RHBDF1: variants seen among roughly 807,000 people sequenced by gnomAD.
RHBDF1 encodes the protein rhomboid 5 homolog 1, also known as inactive rhomboid protein 1.
A neutral mutation model predicts 98.6 loss-of-function variants in RHBDF1; 80 were observed. That is an observed-to-expected ratio of 0.81 (90% CI 0.68 to 0.98). RHBDF1 has a LOEUF of 0.98. RHBDF1 is among the 50% of genes least tolerant of loss of function. The probability of loss-of-function intolerance (pLI) is 0.00; values close to 1 mark genes in which losing one functional copy is unlikely to be tolerated. For missense variants in RHBDF1, 1,116 were observed against 1,198.3 expected, an observed-to-expected ratio of 0.93 and a Z score of 1.01; for synonymous variants, 512 against 486.8, an observed-to-expected ratio of 1.05 and a Z score of -0.68.
In RHBDF1 at chr16:59,789, T is replaced by C; in HGVS notation, c.1760A>G (p.His587Arg). 6.2e-7 allele frequency: 1 copy of C among 1,614,150 alleles called. No homozygotes were observed. The highest frequency in any genetic ancestry group is 8.5e-7 in the Non-Finnish European group (1 of 1,180,016). The change falls in exon 14 of 18, where the codon CAT becomes CGT. Residue 587 changes from histidine (H) to arginine (R), a missense_variant. By Grantham distance (29) the His-to-Arg change is conservative. Coordinates refer to ENST00000262316, the MANE Select transcript of RHBDF1 (RefSeq NM_022450.5). ...TGTGATGACACAGTCCATGTGGGGA[T>C]GGTTGGTGTGGTTCCCAGCGCTGTT... ...TKNSAGNHTN[H>R]PHMDCVITGR...
At chr16:75,498 G>C (rs1898069811), upstream of RHBDF1, among the ~76,000 whole-genome samples, 1 of 152,228 alleles carries the variant, frequency 6.6e-6, no homozygotes, top group Admixed American at 6.5e-5. Context: ...CCCATGACCA[G>C]CTCCTGGCTA....
At chr16:71,089 C>T (rs1338244723) in intron 1 of RHBDF1, among the ~76,000 whole-genome samples, 1 of 152,104 alleles carries the variant, frequency 6.6e-6, no homozygotes, top group Non-Finnish European at 1.5e-5. Context: ...GCCTGATGGT[C>T]CCTGAAAGGC....
intron 1 of RHBDF1, among the ~76,000 whole-genome samples, chr16:70,048 T>G (rs1897931828): frequency 6.6e-6 from 1 of 150,524 alleles, no homozygotes. Context: ...AGCTAGCAAA[T>G]GTGGCACAGG....
Position 60,278 on chromosome 16 carries a change from C to T in RHBDF1, c.1660G>A (p.Val554Met). The part of the protein sequence containing the change: ...FGSVCHQDPR[V>M]CDEPSSEDPH... The stretch of plus-strand genomic sequence containing the variant: ...TCTTCGGAGGAGGGCTCATCACACA[C>T]CCTGCATGAGCCAAGTATGTGGTCA... The change falls in exon 13 of 18, where the codon GTG becomes ATG. Residue 554 changes from valine to methionine, a missense_variant and splice_region_variant. Val to Met is a conservative substitution (Grantham distance 21). Coordinates refer to ENST00000262316, the MANE Select transcript of RHBDF1 (RefSeq NM_022450.5). 1 of 1,614,096 alleles carries T rather than the reference C, an allele frequency of 6.2e-7. No homozygotes were observed. The highest frequency in any genetic ancestry group is 8.5e-7 in the Non-Finnish European group (1 of 1,180,024).
Position 60,243 on chromosome 16 carries a change from C to T in RHBDF1, c.1695G>A (p.Glu565=), listed in dbSNP as rs766829509. Reference sequence around the variant, plus strand: ...GCCACTTGGTGATGTCTTCTGGCCACTCATGAGGGTCTTCGGAGGAGGGCT... The same window carrying T: ...GCCACTTGGTGATGTCTTCTGGCCATTCATGAGGGTCTTCGGAGGAGGGCT... ...CDEPSSEDPH[E]WPEDITKWPI... Residue 565 remains glutamate, a synonymous_variant, in exon 13 of 18, where the codon GAG becomes GAA. Transcript: ENST00000262316. 3.1e-5 allele frequency: 50 copies of T among 1,614,044 alleles called. No homozygotes were observed. In the Admixed American group the frequency reaches 8.0e-4, roughly 26 times the overall value.
intron 7 of RHBDF1, 137 bp downstream of exon 7, chr16:62,401 C>T: frequency 8.5e-7 from 1 of 1,182,078 alleles, no homozygotes; most frequent in African/African-American, 1.5e-5. Flanking sequence ...CCCCTGGTGG[C>T]CCAGTGAGTA....
rs371922945 is a variant in RHBDF1 at position 58,957 on chromosome 16, C to T, written c.2148+17G>A. The T allele has an allele frequency of 7.8e-5, 125 of 1,611,950 alleles. No individual in the cohort carries two copies. The African/African-American group carries it at 1.5e-3, about 19-fold the overall frequency. ...AGGTGCACACGGGAGGATCCCCACC[C>T]TGAGGGCCAGCCTTACCTCTGCTCG... On this transcript the variant is annotated intron_variant, in intron 17 of 17. Coordinates refer to ENST00000262316, the MANE Select transcript of RHBDF1 (RefSeq NM_022450.5).
intron 17 of RHBDF1, 42 bp from the exon 18 acceptor site, chr16:58,801 C>A (rs1384011459): frequency 6.3e-7 from 1 of 1,595,048 alleles, no homozygotes; most frequent in African/African-American, 1.3e-5. Context: ...TGGGGCTGGG[C>A]AGGCCCCCTG....
intron 8 of RHBDF1, 47 bp from the exon 9 acceptor site, chr16:61,743 C>T (rs1897634185): frequency 1.2e-6 from 2 of 1,612,110 alleles, no homozygotes; most frequent in Non-Finnish European, 1.7e-6. Context: ...ACCCGGAGCC[C>T]CCACCCTCCC....
rs377597066 is a variant in RHBDF1, at chr16:63,025, T to C, written c.620A>G (p.Lys207Arg). Residue 207 changes from lysine to arginine, a missense_variant, in exon 5 of 18, where the codon AAG becomes AGG. By Grantham distance (26) the Lys-to-Arg change is conservative. Transcript: ENST00000262316. ...GCTCATCTTGGCCACCGACTCTCGC[T>C]TGCGCCGCCGCGGGAGCCGGTGGAA... ...SGFHRLPRRR[K>R]RESVAKMSFR... is the part of the protein sequence containing the mutation. 2 of 1,612,134 alleles carry C rather than the reference T, an allele frequency of 1.2e-6. No individual in the cohort carries two copies. The highest frequency in any genetic ancestry group is 8.5e-7 in the Non-Finnish European group (1 of 1,179,638).
At chr16:69,341 G>C (rs1897912595) in intron 1 of RHBDF1, among the ~76,000 whole-genome samples, 1 of 152,132 alleles carries the variant, frequency 6.6e-6, no homozygotes, top group Non-Finnish European at 1.5e-5. Flanking sequence ...CGGCGGAGTT[G>C]ACTGCCAACC....
intron 1 of RHBDF1, among the ~76,000 whole-genome samples, chr16:71,579 C>T (rs1280506370): frequency 6.6e-6 from 1 of 152,214 alleles, no homozygotes; most frequent in South Asian, 2.1e-4. Context: ...CAGGAAGTCC[C>T]GTTGGCGGGT....
In RHBDF1 at chr16:59,651, G is replaced by A; in HGVS notation, c.1817+81C>T. 5 of 1,543,714 alleles carry A rather than the reference G, an allele frequency of 3.2e-6. No individual in the cohort carries two copies. In the South Asian group the frequency reaches 3.5e-5, roughly 11 times the overall value. On this transcript the variant is annotated intron_variant, in intron 14 of 17. Transcript: ENST00000262316. ...TCCTTGGTATACTGGCTTATTTCAG[G>A]ATTTGGTTAGGGAGAAGGCACACCC...
chr16:69,243 A>G (rs1355714810), intron 1 of RHBDF1, among the ~76,000 whole-genome samples: 1 of 152,100 alleles, frequency 6.6e-6, no homozygotes, highest in Non-Finnish European at 1.5e-5. Context: ...GCCAGTGGAG[A>G]GCTGCATCCT....
chr16:58,589 G>C lies in RHBDF1; in HGVS notation c.2319C>G (p.Ile773Met). Residue 773 changes from isoleucine to methionine, a missense_variant, in exon 18 of 18, where the codon ATC (isoleucine) becomes ATG (methionine). Transcript: ENST00000262316. ...LLPWIDNFAHISGFISGLFLS... is the reference protein window; with the variant it reads ...LLPWIDNFAHMSGFISGLFLS... Reference sequence around the variant, plus strand: ...GGAAGAGGCCACTGATGAACCCTGAGATGTGGGCAAAGTTGTCAATCCACG... The same window carrying C: ...GGAAGAGGCCACTGATGAACCCTGACATGTGGGCAAAGTTGTCAATCCACG... 2 of 1,613,826 alleles carry C rather than the reference G, an allele frequency of 1.2e-6. No individual in the cohort carries two copies. The highest frequency in any genetic ancestry group is 2.2e-5 in the South Asian group (2 of 91,084).
In RHBDF1 at chr16:63,616, C is replaced by T. The variant is rs201102386; in HGVS notation, c.433G>A (p.Val145Met). The T allele has an allele frequency of 8.2e-6, 13 of 1,581,172 alleles. No homozygotes were observed. Among genetic ancestry groups the T allele is most frequent in the African/African-American group, 6.7e-5 (5 of 74,126 alleles). ...TGCATGCCCAGCTGGCATGGCCCCA[C>T]GTAGAGTGGGGGTGGCGTCTCGGTG... Reference protein sequence around the residue: ...TSTETPPPLYVGPCQLGMQKI... With the variant: ...TSTETPPPLYMGPCQLGMQKI... The change falls in exon 4 of 18, where the codon GTG (valine) becomes ATG (methionine). Residue 145 changes from valine to methionine, a missense_variant. Transcript: ENST00000262316.
At chr16:71,152 G>A (rs1307657087) in intron 1 of RHBDF1, among the ~76,000 whole-genome samples, 1 of 152,148 alleles carries the variant, frequency 6.6e-6, no homozygotes, top group Non-Finnish European at 1.5e-5. Flanking sequence ...TAGAAAGTCA[G>A]CTCCCCAAGG....
Position 58,175 on chromosome 16 carries a change from G to C in RHBDF1, c.*165C>G, listed in dbSNP as rs867822729. 3.0e-5 allele frequency: 19 copies of C among 637,114 alleles called. No homozygotes were observed. The highest frequency in any genetic ancestry group is 4.8e-5 in the Non-Finnish European group (18 of 372,754). 39.5% of individuals were successfully genotyped at this position (637,114 alleles called of 1,614,324 possible). ...TAGTATAATAAATGCCCGGCAGTAC[G>C]AGGGGTTCAACAGAAGTGAACAAGG... On this transcript the variant is annotated 3_prime_UTR_variant, in exon 18 of 18. Transcript: ENST00000262316.
intron 1 of RHBDF1, among the ~76,000 whole-genome samples, chr16:71,805 T>C (rs1053600673): frequency 2.6e-5 from 4 of 152,094 alleles, no homozygotes; most frequent in African/African-American, 9.7e-5. Context: ...CCAGGCCCTC[T>C]GCCAATGCCC....
Sources: gnomAD v4.1 joint callset for allele counts (sites outside exome capture counted in the v4.1 genomes callset) on GRCh38, gnomAD v4.1.1 for gene constraint, MANE v1.5 for transcripts, NCBI Gene and HGNC (gene_info 2026-07-23, HGNC 2026-07-21) for gene names.